Variants in IFRD1 observed in about 807,000 individuals in gnomAD.
The protein encoded by IFRD1 is interferon related developmental regulator 1, also known as interferon-related developmental regulator 1.
In IFRD1, 35 loss-of-function variants were observed where a neutral mutation model predicts 52.9. The ratio of observed to expected loss-of-function variants is 0.66; its 90% confidence interval spans 0.51 to 0.88. The LOEUF (loss-of-function observed/expected upper bound fraction) is 0.88, where lower values mean the gene tolerates loss of function less well. Ranked by LOEUF, IFRD1 falls within the 40% of genes least tolerant of loss-of-function variation. The pLI is 0.00. For synonymous variants in IFRD1, 184 were observed against 188.4 expected, an observed-to-expected ratio of 0.98 and a Z score of 0.19; for missense variants, 517 against 550.8, an observed-to-expected ratio of 0.94 and a Z score of 0.61.
chr7:112,477,004 C>T lies in IFRD1; in HGVS notation c.*1485C>T, dbSNP rs1160616145. ...GAGTCACTGTTGCTGAGTCCCATCC[C>T]CCAGTTACAGTGCAGTGGAAAACAG... On this transcript the variant is annotated 3_prime_UTR_variant, in exon 12 of 12. Coordinates refer to ENST00000403825, the MANE Select transcript of IFRD1 (RefSeq NM_001550.4). The T allele has an allele frequency of 2.0e-5, 3 of 152,098 alleles. No homozygotes were observed. The highest frequency in any genetic ancestry group is 4.8e-5 in the African/African-American group (2 of 41,402). 9.4% of individuals were successfully genotyped at this position (152,098 alleles called of 1,614,324 possible). A position where few individuals can be genotyped will look rare whatever the true frequency, so the allele number is the denominator to read the frequency against.
intron 1 of IFRD1, chr7:112,423,508 C>G (rs1004053903): frequency 1.2e-4 from 19 of 152,196 alleles, no homozygotes; most frequent in African/African-American, 4.6e-4. Flanking sequence ...TAAGATGCTA[C>G]TCAAGTCTTT....
At chr7:112,443,266 C>G (rs1222289166) in intron 1 of IFRD1, among the ~76,000 whole-genome samples, 1 of 152,142 alleles carries the variant, frequency 6.6e-6, no homozygotes, top group Non-Finnish European at 1.5e-5. Flanking sequence ...AAGATTAGTA[C>G]TACCACACGG....
intron 8 of IFRD1, among the ~76,000 whole-genome samples, chr7:112,464,509 C>A (rs1795560914): frequency 6.6e-6 from 1 of 152,130 alleles, no homozygotes; most frequent in Non-Finnish European, 1.5e-5. Flanking sequence ...CTTCTCTATG[C>A]CTCGGTGTCC....
intron 8 of IFRD1, among the ~76,000 whole-genome samples, chr7:112,466,981 C>T (rs1007232211): frequency 1.3e-5 from 2 of 152,100 alleles, no homozygotes; most frequent in African/African-American, 4.8e-5. Flanking sequence ...TTGAAGAAAA[C>T]ATTTGTTGGA....
chr7:112,434,949 A>G (rs1222766437), intron 1 of IFRD1, among the ~76,000 whole-genome samples: 1 of 152,234 alleles, frequency 6.6e-6, no homozygotes, highest in Admixed American at 6.5e-5. Context: ...GGTTACTGAC[A>G]AATACATTTT....
intron 11 of IFRD1, among the ~76,000 whole-genome samples, chr7:112,473,173 T>C (rs1045056647): frequency 6.6e-6 from 1 of 152,148 alleles, no homozygotes; most frequent in Non-Finnish European, 1.5e-5. Flanking sequence ...TCTTTCATTT[T>C]ATGAAACATA....
At position 112,465,136 on chromosome 7, in the gene IFRD1, A is replaced by G. The variant is rs1584497165; in HGVS notation, c.906+2758A>G. On this transcript the variant is annotated intron_variant, in intron 8 of 11. Coordinates refer to ENST00000403825, the MANE Select transcript of IFRD1 (RefSeq NM_001550.4). ...CTGCAGCCTCAGAGTTCTGGCCTCA[A>G]GCAATCCTCCCTCCTCCTTCCAAAG... 2.0e-5 allele frequency among the ~76,000 whole-genome samples: 3 copies of G among 152,288 alleles called. No homozygotes were observed. In the South Asian group the frequency reaches 6.2e-4, roughly 32 times the overall value.
chr7:112,446,276 G>A (rs1173486491), upstream of IFRD1: 5 of 219,938 alleles, frequency 2.3e-5, no homozygotes. Flanking sequence ...CACTCTAGAT[G>A]AAGGCGACTT....
At position 112,441,041 on chromosome 7, in the gene IFRD1, G is replaced by A. The variant is rs184496271; in HGVS notation, c.-181-9467G>A. 3.6e-3 allele frequency among the ~76,000 whole-genome samples: 553 copies of A among 152,218 alleles called. 5 individuals are homozygous for A. Among genetic ancestry groups the A allele is most frequent in the African/African-American group, 0.013 (533 of 41,532 alleles). On this transcript the variant is annotated intron_variant, in intron 1 of 12. Coordinates refer to the IFRD1 transcript ENST00000005558. ...AATCCCAACACTTTGGTGGGAGGCTGAGGAGGGTGGATCATGAGGTCAAGA... is the reference window on the plus strand; with the variant it reads ...AATCCCAACACTTTGGTGGGAGGCTAAGGAGGGTGGATCATGAGGTCAAGA...
Position 112,450,650 on chromosome 7 carries a change from C to A in IFRD1, c.-39C>A. On this transcript the variant is annotated 5_prime_UTR_variant, in exon 1 of 12. Coordinates refer to ENST00000403825, the MANE Select transcript of IFRD1 (RefSeq NM_001550.4). The stretch of plus-strand genomic sequence containing the variant: ...AAGTGCAGCTCCATCGGCTGATCCT[C>A]GCTAAGCTCCGACTCTGGGCGGCAC... 6.5e-7 allele frequency: 1 copy of A among 1,536,264 alleles called. No homozygotes were observed. The highest frequency in any genetic ancestry group is 1.1e-5 in the South Asian group (1 of 89,468).
chr7:112,457,883 T>TA, intron 4 of IFRD1: 1 of 152,226 alleles, frequency 6.6e-6, no homozygotes, highest in East Asian at 1.9e-4. Flanking sequence ...ATAAGCTTTA[T>TA]ATCCTTATTT....
intron 10 of IFRD1, 94 bp from the exon 11 acceptor site, chr7:112,472,672 C>A: frequency 1.2e-6 from 1 of 865,110 alleles, no homozygotes; most frequent in Non-Finnish European, 2.0e-6. Context: ...TCTGTGGGTT[C>A]CACATAACTT....
At chr7:112,469,680 A>G (rs1316513095) in intron 9 of IFRD1, among the ~76,000 whole-genome samples, 1 of 152,038 alleles carries the variant, frequency 6.6e-6, no homozygotes, top group Non-Finnish European at 1.5e-5. Context: ...AAGGGTCTCT[A>G]CTGGCCCTCA....
Position 112,450,478 on chromosome 7 carries a change from G to C in IFRD1, c.-211G>C, listed in dbSNP as rs797004754. The C allele has an allele frequency of 1.6e-4, 93 of 599,398 alleles. 1 individual carries two copies. The East Asian group carries it at 1.8e-3, about 12-fold the overall frequency. 37.1% of individuals were successfully genotyped at this position (599,398 alleles called of 1,614,324 possible). A position where few individuals can be genotyped will look rare whatever the true frequency, so the allele number is the denominator to read the frequency against. On this transcript the variant is annotated 5_prime_UTR_variant, in exon 1 of 12. Coordinates refer to ENST00000403825, the MANE Select transcript of IFRD1 (RefSeq NM_001550.4). The stretch of plus-strand genomic sequence containing the variant: ...CTGCCCCGCCTTAGCTCCCGCGCTA[G>C]AGAGAAACATGTATCGTTTTCGATC...
At chr7:112,433,957 C>T (rs1459723799) in intron 1 of IFRD1, among the ~76,000 whole-genome samples, 1 of 152,062 alleles carries the variant, frequency 6.6e-6, no homozygotes, top group Non-Finnish European at 1.5e-5. Flanking sequence ...GTAGCGGGGA[C>T]CACAGGCGTG....
chr7:112,473,056 GTGTGTGTGTGTATA>G (rs1184091240), intron 11 of IFRD1, among the ~76,000 whole-genome samples, 195 bp downstream of exon 11: 1 of 96,598 alleles, frequency 1.0e-5, no homozygotes, highest in Non-Finnish European at 2.0e-5. Context: ...GTGTGTGTGT[GTGTGTGTGTGTATA>G]TATGTGTCAG....
At chr7:112,440,953 TG>T (rs1794868904) in intron 1 of IFRD1, among the ~76,000 whole-genome samples, 1 of 152,056 alleles carries the variant, frequency 6.6e-6, no homozygotes, top group South Asian at 2.1e-4. Context: ...CTTGGAAACA[TG>T]GCAAAACCCC....
At chr7:112,451,488 C>G (rs994924335) in intron 1 of IFRD1, among the ~76,000 whole-genome samples, 3 of 152,214 alleles carry the variant, frequency 2.0e-5, no homozygotes, top group Admixed American at 1.3e-4. Flanking sequence ...ACGCGTTCTC[C>G]TTTGTGCTGC....
intron 4 of IFRD1, 28 bp from the exon 5 acceptor site, chr7:112,458,833 C>G: frequency 6.2e-7 from 1 of 1,607,538 alleles, no homozygotes; most frequent in Non-Finnish European, 8.5e-7. Flanking sequence ...AAAAGACTAT[C>G]GTGATTGCAT....
Sources: allele counts gnomAD v4.1 joint callset (sites outside exome capture counted in the v4.1 genomes callset), GRCh38; gene constraint gnomAD v4.1.1; transcripts MANE v1.5; gene names NCBI Gene and HGNC (gene_info 2026-07-23, HGNC 2026-07-21).